VCAN: variants seen among roughly 807,000 people sequenced by gnomAD.
VCAN encodes versican core protein.
In VCAN, 44 loss-of-function variants were observed where a neutral mutation model predicts 245.5. The ratio of observed to expected loss-of-function variants is 0.18; its 90% CI spans 0.14 to 0.23. The LOEUF (loss-of-function observed/expected upper bound fraction) is 0.23, where lower values mean the gene tolerates loss of function less well. Ranked by LOEUF, VCAN falls within the 10% of genes least tolerant of loss-of-function variation. The pLI is 1.00. For synonymous variants in VCAN, 1,413 were observed against 1,437.0 expected, an observed-to-expected ratio of 0.98 and a Z score of 0.38; for missense variants, 3,793 against 4,057.9, an observed-to-expected ratio of 0.93 and a Z score of 1.77.
At chr5:83,491,309 C>T (rs956333678) in intron 3 of VCAN, among the ~76,000 whole-genome samples, 1 of 152,256 alleles carries the variant, frequency 6.6e-6, no homozygotes, top group African/African-American at 2.4e-5. Flanking sequence ...GATTTTCTTC[C>T]AATCCTCCAT....
At position 83,537,624 on chromosome 5, in the gene VCAN, T is replaced by G. The variant is rs1411675055; in HGVS notation, c.4621T>G (p.Ser1541Ala). 6 of 1,613,832 alleles carry G rather than the reference T, an allele frequency of 3.7e-6. No individual in the cohort carries two copies. In the East Asian group the frequency reaches 1.3e-4, roughly 36 times the overall value. Residue 1541 changes from serine (S) to alanine (A), a missense_variant, in exon 8 of 15, where the codon TCT becomes GCT. Physicochemically the swap from Ser to Ala is moderately conservative, Grantham distance 99. Coordinates refer to ENST00000265077, the MANE Select transcript of VCAN (RefSeq NM_004385.5). ...GGCACATGAACATACTGAACCTGTA[T>G]CTCTGTTTCCTGAAGAGTCTTCAGG... ...HQAHEHTEPV[S>A]LFPEESSGEI...
chr5:83,538,464 C>T lies in VCAN; in HGVS notation c.5461C>T (p.Leu1821=), dbSNP rs1746819227. The T allele has an allele frequency of 1.2e-6, 2 of 1,614,042 alleles. No individual in the cohort carries two copies. The highest frequency in any genetic ancestry group is 4.5e-5 in the East Asian group (2 of 44,872). The part of the protein sequence containing the change: ...SIHQPGVQEG[L]TTLPRSPASV... Reference sequence around the variant, plus strand: ...CCATCAACCTGGGGTTCAGGAAGGGCTGACCACTCTCCCACGTAGTCCTGC... The same window carrying T: ...CCATCAACCTGGGGTTCAGGAAGGGTTGACCACTCTCCCACGTAGTCCTGC... The change falls in exon 8 of 15, where the codon CTG becomes TTG. Residue 1821 remains leucine (L), a synonymous_variant. Transcript: ENST00000265077.
intron 1 of VCAN, among the ~76,000 whole-genome samples, chr5:83,480,175 G>C (rs935632489): frequency 6.6e-6 from 1 of 152,188 alleles, no homozygotes; most frequent in Non-Finnish European, 1.5e-5. Context: ...TTTAGAGCAT[G>C]TCTGATCTCC....
chr5:83,544,698 A>G (rs1747138780), intron 8 of VCAN, among the ~76,000 whole-genome samples: 1 of 152,202 alleles, frequency 6.6e-6, no homozygotes, highest in African/African-American at 2.4e-5. Flanking sequence ...ATGAAAATAC[A>G]CTTATCCAAG....
rs1313182707 is a variant in VCAN at position 83,540,032 on chromosome 5, A to C, written c.7029A>C (p.Gly2343=). The C allele has an allele frequency of 5.6e-6, 9 of 1,614,058 alleles. No individual in the cohort carries two copies. Among genetic ancestry groups the C allele is most frequent in the Non-Finnish European group, 7.6e-6 (9 of 1,179,984 alleles). Residue 2343 remains glycine (G), a synonymous_variant, in exon 8 of 15, where the codon GGA becomes GGC. Coordinates refer to ENST00000265077, the MANE Select transcript of VCAN (RefSeq NM_004385.5). ...TTTTAAGTGACACTGGAGCAGAAGGACCCACGGTGGCACCTCTCCCTTTCT... is the reference window on the plus strand; with the variant it reads ...TTTTAAGTGACACTGGAGCAGAAGGCCCCACGGTGGCACCTCTCCCTTTCT... The part of the protein sequence containing the change: ...IEILSDTGAE[G]PTVAPLPFST...
At chr5:83,476,154 C>G (rs1283935711) in intron 1 of VCAN, among the ~76,000 whole-genome samples, 1 of 152,152 alleles carries the variant, frequency 6.6e-6, no homozygotes, top group Non-Finnish European at 1.5e-5. Context: ...GGCTTAAATA[C>G]TTTGGAGTTA....
chr5:83,507,751 A>G (rs1395888218), intron 5 of VCAN, among the ~76,000 whole-genome samples: 1 of 152,176 alleles, frequency 6.6e-6, no homozygotes, highest in African/African-American at 2.4e-5. Context: ...CTTCATTTCT[A>G]TCCAATTTCA....
chr5:83,546,368 C>G (rs1215818336), intron 9 of VCAN, among the ~76,000 whole-genome samples: 4 of 152,086 alleles, frequency 2.6e-5, no homozygotes, highest in Admixed American at 1.3e-4. Context: ...AATTTGCTTA[C>G]AATGATTGAG....
chr5:83,575,055 T>A (rs527321154), intron 13 of VCAN, among the ~76,000 whole-genome samples: 1 of 152,208 alleles, frequency 6.6e-6, no homozygotes, highest in East Asian at 1.9e-4. Context: ...CAAATAAGAG[T>A]ACGAAGTACA....
intron 7 of VCAN, among the ~76,000 whole-genome samples, chr5:83,527,856 C>T (rs1401393586): frequency 2.0e-5 from 3 of 152,128 alleles, no homozygotes; most frequent in Admixed American, 6.6e-5. Context: ...TAAACCAATG[C>T]CTATTCTGAA....
At chr5:83,492,423 C>G (rs1745012986) in intron 3 of VCAN, among the ~76,000 whole-genome samples, 1 of 152,114 alleles carries the variant, frequency 6.6e-6, no homozygotes, top group Non-Finnish European at 1.5e-5. Flanking sequence ...ATTCATAAGA[C>G]CCAGTTGCCT....
At position 83,538,705 on chromosome 5, in the gene VCAN, A is replaced by G. The variant is rs571625670; in HGVS notation, c.5702A>G (p.Gln1901Arg). ...MDRVVAENIT[Q>R]TSREIVISER... ...AGAGTAGTTGCTGAAAATATAACCC[A>G]AACATCCAGGGAAATAGTGATTTCA... Residue 1901 changes from glutamine to arginine, a missense_variant, in exon 8 of 15, where the codon CAA becomes CGA. Physicochemically the swap from Gln to Arg is conservative, Grantham distance 43 (BLOSUM62 1). Coordinates refer to ENST00000265077, the MANE Select transcript of VCAN (RefSeq NM_004385.5). The G allele has an allele frequency of 6.2e-7, 1 of 1,614,098 alleles. No homozygotes were observed. Among genetic ancestry groups the G allele is most frequent in the South Asian group, 1.1e-5 (1 of 91,078 alleles).
chr5:83,482,679 T>C (rs1253114195), intron 1 of VCAN, among the ~76,000 whole-genome samples: 1 of 152,218 alleles, frequency 6.6e-6, no homozygotes, highest in Non-Finnish European at 1.5e-5. Flanking sequence ...TCCTCATCAT[T>C]ATAGCTGCCT....
rs76829324 is a variant in VCAN at position 83,478,474 on chromosome 5, A to C, written c.-6-5039A>C. On this transcript the variant is annotated intron_variant, in intron 1 of 14. Transcript: ENST00000265077. The stretch of plus-strand genomic sequence containing the variant: ...TATATGGATGGATATTGGTACCAAT[A>C]TCACCCAAGACAAATGGACAAGGAT... Among the ~76,000 whole-genome samples the C allele has an allele frequency of 9.3e-3, 1,423 of 152,270 alleles. 19 individuals are homozygous for C. The highest frequency in any genetic ancestry group is 0.03 in the East Asian group (155 of 5,164).
chr5:83,582,253 A>G lies in VCAN; in HGVS notation c.*1819A>G, dbSNP rs766197907. On this transcript the variant is annotated 3_prime_UTR_variant, in exon 15 of 15. Coordinates refer to ENST00000265077, the MANE Select transcript of VCAN (RefSeq NM_004385.5). ...AAATCTAAAATCTTTGTAACTTTTT[A>G]TATCTGCTTTTGTTTCACCAAAGAA... 4.6e-5 allele frequency: 7 copies of G among 152,086 alleles called. No homozygotes were observed. The highest frequency in any genetic ancestry group is 1.0e-4 in the Non-Finnish European group (7 of 67,988). 9.4% of individuals were successfully genotyped at this position (152,086 alleles called of 1,614,324 possible).
In VCAN at chr5:83,521,792, C is replaced by A; in HGVS notation, c.3486C>A (p.Thr1162=). ...SSLSPFSTHI[T]QLMEETTTEK... is the part of the protein sequence containing the mutation. ...TGAGTCCTTTTAGTACCCACATTAC[C>A]CAGCTTATGGAAGAAACCACTACTG... Residue 1162 remains threonine, a synonymous_variant, in exon 7 of 15, where the codon ACC becomes ACA. Transcript: ENST00000265077. The A allele has an allele frequency of 6.2e-7, 1 of 1,614,092 alleles. No individual in the cohort carries two copies. The highest frequency in any genetic ancestry group is 8.5e-7 in the Non-Finnish European group (1 of 1,180,028).
rs1054107151 is a variant in VCAN at position 83,581,410 on chromosome 5, G to A, written c.*976G>A. 3 of 151,296 alleles carry A rather than the reference G, an allele frequency of 2.0e-5. No homozygotes were observed. The highest frequency in any genetic ancestry group is 1.3e-4 in the Admixed American group (2 of 15,166). The allele number at this position is 151,296 out of a possible 1,614,324, so 9.4% of individuals were successfully genotyped here. On this transcript the variant is annotated 3_prime_UTR_variant, in exon 15 of 15. Coordinates refer to ENST00000265077, the MANE Select transcript of VCAN (RefSeq NM_004385.5). The stretch of plus-strand genomic sequence containing the variant: ...TGAATGTTCATGTATGAATGCTGCA[G>A]CTGTGAAGCATACATAAATAAATGA...
At chr5:83,503,226 TAGAGAG>T (rs758148229) in intron 5 of VCAN, among the ~76,000 whole-genome samples, 2 of 150,500 alleles carry the variant, frequency 1.3e-5, no homozygotes, top group African/African-American at 4.9e-5. Context: ...GAGAGAGAGA[TAGAGAG>T]AGAGAGAGAA....
chr5:83,541,004 C>T lies in VCAN; in HGVS notation c.8001C>T (p.Gly2667=), dbSNP rs1280032926. ...YEDRSQLDHM[G]FHFTTGIPAP... ...ATAGAAGCCAACTAGATCACATGGG[C>T]TTTCACTTCACAACTGGGATCCCTG... is the stretch of plus-strand genomic sequence containing the variant. Residue 2667 remains glycine (G), a synonymous_variant, in exon 8 of 15, where the codon GGC becomes GGT. Transcript: ENST00000265077. 1 of 1,614,084 alleles carries T rather than the reference C, an allele frequency of 6.2e-7. No homozygotes were observed. Among genetic ancestry groups the T allele is most frequent in the East Asian group, 2.2e-5 (1 of 44,870 alleles).
Sources: gnomAD v4.1 joint callset for allele counts (sites outside exome capture counted in the v4.1 genomes callset) on GRCh38, gnomAD v4.1.1 for gene constraint, MANE v1.5 for transcripts, NCBI Gene and HGNC (gene_info 2026-07-23, HGNC 2026-07-21) for gene names.